PUDP: variants seen among roughly 807,000 people sequenced by gnomAD.
PUDP encodes pseudouridine-5'-phosphatase.
A neutral mutation model predicts 9.4 loss-of-function variants in PUDP; 8 were observed. The ratio of observed to expected loss-of-function variants is 0.85; its 90% CI spans 0.50 to 1.53. The LOEUF (loss-of-function observed/expected upper bound fraction) is 1.53. Ranked by LOEUF, PUDP falls within the 40% of genes most tolerant of loss-of-function variation. PUDP has a pLI of 0.00. For missense variants in PUDP, 188 were observed against 189.7 expected (o/e 0.99, Z 0.05); for synonymous variants, 99 against 80.7 (o/e 1.23, Z -1.22).
intron 3 of PUDP, among the ~76,000 whole-genome samples, chrX:6,729,186 C>A (rs904204989): frequency 7.1e-5 from 8 of 111,891 alleles, no homozygotes; most frequent in African/African-American, 2.6e-4. Context: ...TAGGGCCAAA[C>A]TGCCTCCCAT....
intron 1 of PUDP, among the ~76,000 whole-genome samples, chrX:7,010,839 A>G (rs950316976): frequency 8.9e-6 from 1 of 111,831 alleles, no homozygotes; most frequent in Non-Finnish European, 1.9e-5. Context: ...CCTCATGGGT[A>G]CAGGATGACA....
intron 3 of PUDP, among the ~76,000 whole-genome samples, chrX:6,928,061 A>G (rs1330020865): frequency 1.8e-5 from 2 of 108,214 alleles, no homozygotes; most frequent in African/African-American, 3.4e-5. Flanking sequence ...CAGCCTCCCA[A>G]GTGGCTGGGA....
At chrX:7,062,713 GGAGGGT>G (rs1009286483) in intron 3 of PUDP, among the ~76,000 whole-genome samples, 4 of 109,419 alleles carry the variant, frequency 3.7e-5, no homozygotes, top group Non-Finnish European at 5.7e-5. Context: ...GGGAAGCTGG[GGAGGGT>G]GAGATGAGGT....
intron 3 of PUDP, among the ~76,000 whole-genome samples, chrX:6,965,324 C>T (rs1928766739): frequency 8.9e-6 from 1 of 112,212 alleles, no homozygotes; most frequent in Admixed American, 9.5e-5. Flanking sequence ...CATAAATACA[C>T]ATTTAGAGAA....
At chrX:6,964,964 A>G (rs1359657207) in intron 3 of PUDP, among the ~76,000 whole-genome samples, 1 of 112,064 alleles carries the variant, frequency 8.9e-6, no homozygotes, top group Non-Finnish European at 1.9e-5. Context: ...CAATCATCCA[A>G]AGAATTAAAA....
intron 1 of PUDP, among the ~76,000 whole-genome samples, chrX:6,983,175 A>G (rs1373890587): frequency 1.8e-5 from 2 of 112,138 alleles, no homozygotes; most frequent in Non-Finnish European, 3.8e-5. Flanking sequence ...AGAAAGAGTA[A>G]TTCACACAAA....
downstream of PUDP, among the ~76,000 whole-genome samples, chrX:7,047,946 C>T (rs1930005666): frequency 3.6e-5 from 4 of 112,473 alleles, no homozygotes; most frequent in Admixed American, 3.8e-4. Context: ...ATATAAACTG[C>T]AGTGTCTAGA....
intron 1 of PUDP, among the ~76,000 whole-genome samples, chrX:7,010,596 CAGAGT>C (rs1212080590): frequency 8.9e-6 from 1 of 111,928 alleles, no homozygotes; most frequent in Non-Finnish European, 1.9e-5. Flanking sequence ...AGACAAAGAG[CAGAGT>C]AAAGTCCTTG....
chrX:6,960,409 A>G (rs766427524), intron 3 of PUDP, among the ~76,000 whole-genome samples: 1 of 111,791 alleles, frequency 8.9e-6, no homozygotes, highest in Admixed American at 9.5e-5. Flanking sequence ...TCTTTGAGGC[A>G]GGGTCTTGCT....
intron 3 of PUDP, among the ~76,000 whole-genome samples, chrX:6,778,585 TGAG>T (rs1925505634): frequency 1.8e-5 from 2 of 112,243 alleles, no homozygotes; most frequent in South Asian, 7.4e-4. Context: ...ATGCAGTACT[TGAG>T]GAAATGTCAG....
chrX:6,995,733 A>C (rs1431009496), intron 1 of PUDP, among the ~76,000 whole-genome samples: 1 of 108,997 alleles, frequency 9.2e-6, no homozygotes, highest in Non-Finnish European at 1.9e-5. Context: ...CAAAAACAAT[A>C]AAAAATAAAA....
At chrX:7,103,510 T>A (rs1931796605) in intron 2 of PUDP, among the ~76,000 whole-genome samples, 1 of 112,454 alleles carries the variant, frequency 8.9e-6, no homozygotes, top group Non-Finnish European at 1.9e-5. Flanking sequence ...ATTTCTTGGC[T>A]ATGACACCAA....
At chrX:7,086,900 G>A in intron 2 of PUDP, among the ~76,000 whole-genome samples, 1 of 112,054 alleles carries the variant, frequency 8.9e-6, no homozygotes, top group Non-Finnish European at 1.9e-5. Context: ...CAGGAGAAAG[G>A]AATTGGGTTG....
At chrX:6,732,001 A>G (rs1386608599) in intron 3 of PUDP, among the ~76,000 whole-genome samples, 1 of 112,176 alleles carries the variant, frequency 8.9e-6, no homozygotes. Context: ...AAAGCCCAGA[A>G]CACTTATGAA....
At chrX:7,080,303 ATGAAAGGAAT>A (rs1179968987) in intron 2 of PUDP, among the ~76,000 whole-genome samples, 1 of 112,608 alleles carries the variant, frequency 8.9e-6, no homozygotes, top group Non-Finnish European at 1.9e-5. Context: ...CCTTCTGCCT[ATGAAAGGAAT>A]TGAATTTGTA....
rs1193604233 is a variant in PUDP, at chrX:6,731,836, C to T, written c.*248-25370G>A. On this transcript the variant is annotated intron_variant and NMD_transcript_variant, in intron 3 of 3. Transcript: ENST00000655425. ...AGGAAGGAAGGAAGGCCATTAAAAC[C>T]TCCGGTACTTCATACTGAGTTCCTG... Among the ~76,000 whole-genome samples the T allele has an allele frequency of 2.7e-5, 3 of 110,184 alleles. No individual in the cohort carries two copies. In the East Asian group the frequency reaches 8.7e-4, roughly 32 times the overall value.
chrX:6,809,467 A>AT (rs200455469), intron 3 of PUDP, among the ~76,000 whole-genome samples: 2,123 of 107,019 alleles, frequency 0.02, 58 homozygotes, highest in African/African-American at 0.068. Flanking sequence ...TAATTTATTG[A>AT]TTTTTTTTTG....
intron 3 of PUDP, among the ~76,000 whole-genome samples, chrX:6,940,335 G>T (rs909615476): frequency 5.3e-5 from 6 of 112,795 alleles, no homozygotes; most frequent in Non-Finnish European, 9.4e-5. Flanking sequence ...GGACCATATG[G>T]CTCACAAAGA....
chrX:7,096,295 C>T lies in PUDP; in HGVS notation c.280+9325G>A, dbSNP rs143331210. ...TCTGGATCTTGGTGAATTATGTCAG[C>T]GGCCTCATTCCATAAAGGTGCATGT... On this transcript the variant is annotated intron_variant, in intron 2 of 3. Transcript: ENST00000381077. Among the ~76,000 whole-genome samples, 6 of 111,801 alleles carry T rather than the reference C, an allele frequency of 5.4e-5. No individual in the cohort carries two copies. The East Asian group carries it at 1.7e-3, about 31-fold the overall frequency.
Sources: allele counts gnomAD v4.1 joint callset (sites outside exome capture counted in the v4.1 genomes callset), GRCh38; gene constraint gnomAD v4.1.1; transcripts MANE v1.5; gene names NCBI Gene and HGNC (gene_info 2026-07-23, HGNC 2026-07-21).